The following NECAB1 variants were observed in gnomAD, a reference collection of about 807,000 sequenced individuals.
NECAB1 encodes N-terminal EF-hand calcium binding protein 1, also known as N-terminal EF-hand calcium-binding protein 1.
In NECAB1, 29 loss-of-function variants were observed where a neutral mutation model predicts 57.5. That is an observed-to-expected ratio of 0.50 (90% CI 0.38 to 0.69). NECAB1 has a LOEUF of 0.69. Ranked by LOEUF, NECAB1 falls within the 30% of genes least tolerant of loss-of-function variation. NECAB1 has a pLI of 0.00. For synonymous variants in NECAB1, 142 were observed against 147.7 expected, an observed-to-expected ratio of 0.96 and a Z score of 0.28; for missense variants, 372 against 413.8, an observed-to-expected ratio of 0.90 and a Z score of 0.88.
At chr8:90,870,535 G>C (rs182718364) in intron 3 of NECAB1, among the ~76,000 whole-genome samples, 10 of 152,254 alleles carry the variant, frequency 6.6e-5, no homozygotes, top group African/African-American at 2.2e-4. Context: ...CTTTTAACCA[G>C]AATGTGTTTC....
At chr8:90,847,535 G>A (rs1392077223) in intron 3 of NECAB1, among the ~76,000 whole-genome samples, 1 of 152,240 alleles carries the variant, frequency 6.6e-6, no homozygotes, top group Non-Finnish European at 1.5e-5. Context: ...GACTTTGTGT[G>A]GGGGCTACAA....
At chr8:90,949,473 G>C (rs887179315) in intron 10 of NECAB1, among the ~76,000 whole-genome samples, 2 of 152,130 alleles carry the variant, frequency 1.3e-5, no homozygotes, top group Non-Finnish European at 2.9e-5. Flanking sequence ...TCTGGTCCTA[G>C]CACAACAGAT....
intron 1 of NECAB1, among the ~76,000 whole-genome samples, chr8:90,796,059 A>G (rs182923917): frequency 2.6e-5 from 4 of 152,302 alleles, no homozygotes; most frequent in Admixed American, 2.0e-4. Flanking sequence ...GTTTTCCCAC[A>G]CTGGGCCTAC....
chr8:90,869,149 A>C (rs1808573257), intron 3 of NECAB1, among the ~76,000 whole-genome samples: 1 of 152,246 alleles, frequency 6.6e-6, no homozygotes, highest in Admixed American at 6.5e-5. Context: ...TGCAGAAGGC[A>C]AGAGCTGAGG....
chr8:90,926,020 T>C (rs1455051318), intron 7 of NECAB1, among the ~76,000 whole-genome samples: 1 of 152,218 alleles, frequency 6.6e-6, no homozygotes, highest in Non-Finnish European at 1.5e-5. Flanking sequence ...CCTAAGCCTA[T>C]CCTAAGTTCA....
At chr8:90,866,092 C>G (rs1247765476) in intron 3 of NECAB1, among the ~76,000 whole-genome samples, 1 of 152,152 alleles carries the variant, frequency 6.6e-6, no homozygotes, top group Non-Finnish European at 1.5e-5. Flanking sequence ...TCTAATCTCC[C>G]AATTCTGCAT....
At chr8:90,845,795 C>A (rs948601839) in intron 3 of NECAB1, among the ~76,000 whole-genome samples, 6 of 152,244 alleles carry the variant, frequency 3.9e-5, no homozygotes, top group African/African-American at 1.4e-4. Context: ...GGTCAGTAGT[C>A]AGGTAAAAAT....
At chr8:90,827,269 A>G (rs576382207) in intron 3 of NECAB1, among the ~76,000 whole-genome samples, 1 of 152,130 alleles carries the variant, frequency 6.6e-6, no homozygotes, top group African/African-American at 2.4e-5. Flanking sequence ...TAATTTAATC[A>G]AGAGTACAGC....
intron 2 of NECAB1, chr8:90,813,232 T>TACACACACACAC (rs1165255325): frequency 2.0e-5 from 1 of 49,504 alleles, no homozygotes; most frequent in East Asian, 6.7e-3. Context: ...TATATGTATA[T>TACACACACACAC]ATACACACAC....
At chr8:90,850,614 C>T (rs1362669139) in intron 3 of NECAB1, among the ~76,000 whole-genome samples, 1 of 152,122 alleles carries the variant, frequency 6.6e-6, no homozygotes, top group Non-Finnish European at 1.5e-5. Flanking sequence ...AATGTATGCG[C>T]TATTGGACAG....
intron 2 of NECAB1, among the ~76,000 whole-genome samples, chr8:90,812,127 C>T (rs543936616): frequency 6.6e-6 from 1 of 152,292 alleles, no homozygotes; most frequent in East Asian, 1.9e-4. Flanking sequence ...CAGTGATTAT[C>T]CAGTGAGAAT....
intron 5 of NECAB1, 125 bp downstream of exon 5, chr8:90,881,255 C>T: frequency 1.5e-6 from 1 of 652,818 alleles, no homozygotes; most frequent in Non-Finnish European, 2.7e-6. Context: ...TTTCTTCATA[C>T]TAAATGAGCT....
chr8:90,946,896 T>TAC (rs1810815654), intron 10 of NECAB1, among the ~76,000 whole-genome samples: 1 of 152,184 alleles, frequency 6.6e-6, no homozygotes, highest in Non-Finnish European at 1.5e-5. Context: ...CACTGAGTGG[T>TAC]ACATTGGGTG....
chr8:90,864,882 G>A (rs1220642136), intron 3 of NECAB1, among the ~76,000 whole-genome samples: 3 of 152,006 alleles, frequency 2.0e-5, no homozygotes, highest in Non-Finnish European at 4.4e-5. Flanking sequence ...TATTCTAACG[G>A]CCCCACTTAT....
intron 3 of NECAB1, among the ~76,000 whole-genome samples, chr8:90,835,715 A>G (rs1812361143): frequency 6.6e-6 from 1 of 152,130 alleles, no homozygotes; most frequent in Non-Finnish European, 1.5e-5. Flanking sequence ...TAGCATGTTA[A>G]TCTTGTCTCC....
chr8:90,952,713 G>C (rs1469885454), intron 12 of NECAB1, among the ~76,000 whole-genome samples: 1 of 151,896 alleles, frequency 6.6e-6, no homozygotes, highest in Non-Finnish European at 1.5e-5. Flanking sequence ...GGAGGCGGAG[G>C]GTTGCAGTGA....
intron 1 of NECAB1, among the ~76,000 whole-genome samples, chr8:90,794,169 G>A (rs1379638015): frequency 1.3e-5 from 2 of 152,156 alleles, no homozygotes; most frequent in Non-Finnish European, 2.9e-5. Flanking sequence ...TTTTCTTTGA[G>A]TTATTTTGTG....
chr8:90,854,160 T>C (rs1002521926), intron 3 of NECAB1, among the ~76,000 whole-genome samples: 7 of 152,194 alleles, frequency 4.6e-5, no homozygotes, highest in African/African-American at 2.4e-5. Flanking sequence ...CTATATTTAT[T>C]CAAAAAATCT....
At chr8:90,906,891 A>ATATATGTATATATATATG (rs1809680087) in intron 5 of NECAB1, among the ~76,000 whole-genome samples, 1 of 113,414 alleles carries the variant, frequency 8.8e-6, no homozygotes, top group East Asian at 2.3e-4. Context: ...ATATATATAT[A>ATATATGTATATATATATG]TATATATATA....
Sources: gnomAD v4.1 joint callset for allele counts (sites outside exome capture counted in the v4.1 genomes callset) on GRCh38, gnomAD v4.1.1 for gene constraint, MANE v1.5 for transcripts, NCBI Gene and HGNC (gene_info 2026-07-23, HGNC 2026-07-21) for gene names.